Variants in NWD1 observed in about 807,000 individuals in gnomAD.
The protein encoded by NWD1 is NACHT and WD repeat domain containing 1.
Under a neutral mutation model 135.1 loss-of-function variants are expected in NWD1, and 129 were observed. The ratio of observed to expected loss-of-function variants is 0.96; its 90% confidence interval spans 0.83 to 1.11. NWD1 has a LOEUF of 1.11. NWD1 is among the 50% of genes least tolerant of loss of function. The pLI is 0.00. For synonymous variants in NWD1, 773 were observed against 786.0 expected (o/e 0.98, Z 0.28); for missense variants, 1,740 against 1,851.3 (o/e 0.94, Z 1.10).
rs57830125 is a variant in NWD1, at chr19:16,759,155, T to C, written c.1770-70T>C. ...GCGGGTGGCTGTATCCCTCCCTCTC[T>C]TGGATTCTGCATCCTCCAAATGCAG... is the stretch of plus-strand genomic sequence containing the variant. On this transcript the variant is annotated intron_variant, in intron 6 of 18. Coordinates refer to ENST00000524140, the MANE Select transcript of NWD1 (RefSeq NM_001007525.5). The C allele has an allele frequency of 9.3e-3, 12,570 of 1,348,358 alleles. 904 individuals carry two copies. The African/African-American group carries it at 0.16, about 17-fold the overall frequency. 83.5% of individuals were successfully genotyped at this position (1,348,358 alleles called of 1,614,324 possible). A position where few individuals can be genotyped will look rare whatever the true frequency, so the allele number is the denominator to read the frequency against.
chr19:16,752,674 A>T (rs540620772), intron 6 of NWD1, among the ~76,000 whole-genome samples: 1 of 152,276 alleles, frequency 6.6e-6, no homozygotes, highest in African/African-American at 2.4e-5. Context: ...GACATATCCC[A>T]GATTTCCCGA....
rs771975278 is a variant in NWD1 at position 16,779,377 on chromosome 19, G to A, written c.2643G>A (p.Lys881=). ...ITAMAWGVEE[K]LLVIGTQDGI... Reference sequence around the variant, plus strand: ...CCATGGCATGGGGTGTGGAGGAGAAGCTGCTGGTGATTGGCACCCAGGATG... The same window carrying A: ...CCATGGCATGGGGTGTGGAGGAGAAACTGCTGGTGATTGGCACCCAGGATG... The change falls in exon 12 of 19, where the codon AAG becomes AAA. Residue 881 remains lysine (K), a synonymous_variant. Coordinates refer to ENST00000524140, the MANE Select transcript of NWD1 (RefSeq NM_001007525.5). 2 of 1,613,896 alleles carry A rather than the reference G, an allele frequency of 1.2e-6. No homozygotes were observed. The highest frequency in any genetic ancestry group is 4.5e-5 in the East Asian group (2 of 44,890).
intron 2 of NWD1, among the ~76,000 whole-genome samples, chr19:16,730,281 C>A (rs935934274): frequency 6.6e-5 from 10 of 151,904 alleles, no homozygotes; most frequent in African/African-American, 2.4e-4. Context: ...GAGATCACGC[C>A]ACTGCACTCC....
At chr19:16,741,435 G>A (rs1159865915) in intron 4 of NWD1, among the ~76,000 whole-genome samples, 1 of 148,206 alleles carries the variant, frequency 6.7e-6, no homozygotes, top group Non-Finnish European at 1.5e-5. Context: ...GCACCATGTC[G>A]GTTCACTGAA....
chr19:16,720,190 T>A lies in NWD1; in HGVS notation c.-208T>A, dbSNP rs149576715. Reference sequence around the variant, plus strand: ...ATGATAATTTACTGAGCACCTACTATGTGCCAGGCACGCCAGCCTTACCAG... The same window carrying A: ...ATGATAATTTACTGAGCACCTACTAAGTGCCAGGCACGCCAGCCTTACCAG... On this transcript the variant is annotated 5_prime_UTR_variant, in exon 1 of 19. The change abolishes an upstream ATG in the 5' untranslated region. Transcript: ENST00000524140. 8.5e-5 allele frequency: 13 copies of A among 152,316 alleles called. No homozygotes were observed. Among genetic ancestry groups the A allele is most frequent in the Non-Finnish European group, 1.5e-4 (10 of 68,042 alleles). 9.4% of individuals were successfully genotyped at this position (152,316 alleles called of 1,614,324 possible).
Position 16,779,408 on chromosome 19 carries a change from A to G in NWD1, c.2674A>G (p.Met892Val), listed in dbSNP as rs139880000. The G allele has an allele frequency of 2.0e-5, 33 of 1,613,100 alleles. No individual in the cohort carries two copies. The African/African-American group carries it at 3.7e-4, about 18-fold the overall frequency. Residue 892 changes from methionine (M) to valine (V), a missense_variant, in exon 12 of 19, where the codon ATG becomes GTG. Coordinates refer to ENST00000524140, the MANE Select transcript of NWD1 (RefSeq NM_001007525.5). ...GGTGATTGGCACCCAGGATGGCATC[A>G]TGGCTGTGTGGGACATGGAAGAGCA... is the stretch of plus-strand genomic sequence containing the variant. ...LLVIGTQDGI[M>V]AVWDMEEQHV...
chr19:16,800,067 G>A lies in NWD1; in HGVS notation c.3641G>A (p.Arg1214His), dbSNP rs149137114. 85 of 1,614,060 alleles carry A rather than the reference G, an allele frequency of 5.3e-5. No individual in the cohort carries two copies. The East Asian group carries it at 8.2e-4, about 16-fold the overall frequency. The change falls in exon 17 of 19, where the codon CGC becomes CAC. Residue 1214 changes from arginine to histidine, a missense_variant. Coordinates refer to ENST00000524140, the MANE Select transcript of NWD1 (RefSeq NM_001007525.5). ...RSRVPAPFLD[R>H]TGLTAVSHNG... is the part of the protein sequence containing the mutation. ...CGGGTGCCTGCACCATTTCTGGACCGCACCGGCCTCACCGCAGTGTCCCAC... is the reference window on the plus strand; with the variant it reads ...CGGGTGCCTGCACCATTTCTGGACCACACCGGCCTCACCGCAGTGTCCCAC...
chr19:16,780,705 T>C (rs1969825161), intron 12 of NWD1, among the ~76,000 whole-genome samples: 1 of 152,242 alleles, frequency 6.6e-6, no homozygotes, highest in Admixed American at 6.6e-5. Context: ...TTGCCCAAGC[T>C]GGAGTGCAGT....
chr19:16,779,394 C>T lies in NWD1; in HGVS notation c.2660C>T (p.Thr887Ile). 6.2e-7 allele frequency: 1 copy of T among 1,613,516 alleles called. No individual in the cohort carries two copies. Among genetic ancestry groups the T allele is most frequent in the Non-Finnish European group, 8.5e-7 (1 of 1,179,642 alleles). The change falls in exon 12 of 19, where the codon ACC becomes ATC. Residue 887 changes from threonine to isoleucine, a missense_variant. Transcript: ENST00000524140. ...GVEEKLLVIG[T>I]QDGIMAVWDM... Reference sequence around the variant, plus strand: ...GAGGAGAAGCTGCTGGTGATTGGCACCCAGGATGGCATCATGGCTGTGTGG... The same window carrying T: ...GAGGAGAAGCTGCTGGTGATTGGCATCCAGGATGGCATCATGGCTGTGTGG...
chr19:16,744,805 C>T, intron 5 of NWD1, 87 bp downstream of exon 5: 1 of 1,167,638 alleles, frequency 8.6e-7, no homozygotes. Context: ...AAAAATGCAA[C>T]AGTCTGCATT....
intron 6 of NWD1, among the ~76,000 whole-genome samples, chr19:16,751,689 T>C (rs890000671): frequency 3.3e-5 from 5 of 151,760 alleles, no homozygotes; most frequent in African/African-American, 1.2e-4. Flanking sequence ...TAATCCCAGC[T>C]GCTTGGGAGG....
In NWD1 at chr19:16,808,030, T is replaced by C. The variant is rs1212628489; in HGVS notation, c.4181T>C (p.Val1394Ala). ...ACCCACAGGAGCCGAGTTGCCTGTG[T>C]GGAGGTCAGCCACAAGGAGCAGCTG... ...LETHRSRVAC[V>A]EVSHKEQLVV... The change falls in exon 18 of 19, where the codon GTG becomes GCG. Residue 1394 changes from valine (V) to alanine (A), a missense_variant. Val to Ala is a moderately conservative substitution (Grantham distance 64). Coordinates refer to ENST00000524140, the MANE Select transcript of NWD1 (RefSeq NM_001007525.5). 13 of 1,614,112 alleles carry C rather than the reference T, an allele frequency of 8.1e-6. No individual in the cohort carries two copies. The highest frequency in any genetic ancestry group is 1.1e-5 in the Non-Finnish European group (13 of 1,180,014).
intron 18 of NWD1, 49 bp from the exon 19 acceptor site, chr19:16,814,979 C>T: frequency 5.1e-6 from 8 of 1,569,422 alleles, no homozygotes; most frequent in Non-Finnish European, 7.0e-6. Flanking sequence ...TAGGATTGGA[C>T]CTCTACACCC....
In NWD1 at chr19:16,762,104, C is replaced by T; in HGVS notation, c.2099C>T (p.Pro700Leu). 1.2e-6 allele frequency: 2 copies of T among 1,614,074 alleles called. No homozygotes were observed. The highest frequency in any genetic ancestry group is 1.6e-4 in the Middle Eastern group (1 of 6,062). Residue 700 changes from proline (P) to leucine (L), a missense_variant, in exon 8 of 19, where the codon CCA becomes CTA. Pro to Leu is a moderately conservative substitution (Grantham distance 98). Coordinates refer to ENST00000524140, the MANE Select transcript of NWD1 (RefSeq NM_001007525.5). ...SQGTKKLITL[P>L]LVGKPLNLDR... The stretch of plus-strand genomic sequence containing the variant: ...GGTACCAAGAAGCTCATCACTCTGC[C>T]ACTTGTGGGGAAACCACTGAACTTG...
chr19:16,800,186 A>T, intron 17 of NWD1, 24 bp downstream of exon 17: 5 of 1,577,066 alleles, frequency 3.2e-6, no homozygotes, highest in Non-Finnish European at 4.3e-6. Flanking sequence ...AAGTATGGTC[A>T]TTTTTGTGGG....
intron 1 of NWD1, chr19:16,721,469 A>T (rs1168100163): frequency 2.6e-5 from 4 of 152,324 alleles, no homozygotes; most frequent in Admixed American, 2.6e-4. Context: ...GACCCAGGAA[A>T]ACGAGAGAAG....
intron 11 of NWD1, among the ~76,000 whole-genome samples, chr19:16,774,564 C>A (rs938525145): frequency 6.6e-6 from 1 of 151,726 alleles, no homozygotes; most frequent in African/African-American, 2.4e-5. Context: ...CGTTATTCAT[C>A]GATTCATCAA....
At position 16,744,714 on chromosome 19, in the gene NWD1, G is replaced by T; in HGVS notation, c.492G>T (p.Arg164=). The change falls in exon 5 of 19, where the codon CGG becomes CGT. Residue 164 remains arginine, a synonymous_variant. Coordinates refer to ENST00000524140, the MANE Select transcript of NWD1 (RefSeq NM_001007525.5). ...ITQEQWQHYH[R]SVIEWEIERS... ...AGGAGCAGTGGCAGCACTACCACCG[G>T]TCAGGTGAGGCCGCAGGGACTCCCC... 1.3e-6 allele frequency: 2 copies of T among 1,535,828 alleles called. No individual in the cohort carries two copies. The highest frequency in any genetic ancestry group is 2.4e-5 in the South Asian group (2 of 84,054).
intron 16 of NWD1, among the ~76,000 whole-genome samples, chr19:16,798,693 C>G (rs1017359409): frequency 6.6e-6 from 1 of 152,192 alleles, no homozygotes; most frequent in African/African-American, 2.4e-5. Context: ...GTGGCATGAT[C>G]TCAGCTCACT....
Sources: allele counts gnomAD v4.1 joint callset (sites outside exome capture counted in the v4.1 genomes callset), GRCh38; gene constraint gnomAD v4.1.1; transcripts MANE v1.5; gene names NCBI Gene and HGNC (gene_info 2026-07-23, HGNC 2026-07-21).